The following NCS1 variants were observed in gnomAD, a reference collection of about 807,000 sequenced individuals.
NCS1 encodes the protein frequenin homolog.
NCS1 carries 6 observed loss-of-function variants against 28.4 expected under a neutral mutation model. The observed-to-expected ratio is 0.21, with a 90% CI of 0.12 to 0.42. NCS1 has a LOEUF of 0.42. Among genes scored for constraint, NCS1 ranks in the 10% least tolerant of loss-of-function variants. The pLI, the probability that NCS1 is intolerant of heterozygous loss-of-function variation, is 1.00. For missense variants in NCS1, 131 were observed against 241.4 expected, an observed-to-expected ratio of 0.54 and a Z score of 3.03; for synonymous variants, 86 against 99.3, an observed-to-expected ratio of 0.87 and a Z score of 0.79.
chr9:130,209,559 G>A lies in NCS1; in HGVS notation c.90-8273G>A, dbSNP rs1209525300. Among the ~76,000 whole-genome samples the A allele has an allele frequency of 6.6e-5, 10 of 152,282 alleles. No homozygotes were observed. Among genetic ancestry groups the A allele is most frequent in the Admixed American group, 1.3e-4 (2 of 15,300 alleles). On this transcript the variant is annotated intron_variant, in intron 2 of 7. Coordinates refer to ENST00000372398, the MANE Select transcript of NCS1 (RefSeq NM_014286.4). The surrounding 1 kb of genome is among the most constrained non-coding windows in gnomAD (Gnocchi z 4.4). ...CAGTGCCGGTTGCGGGCGGGCATCCGGGACTGAGGGGGGCGAGGTGCTTGG... is the reference window on the plus strand; with the variant it reads ...CAGTGCCGGTTGCGGGCGGGCATCCAGGACTGAGGGGGGCGAGGTGCTTGG...
intron 6 of NCS1, among the ~76,000 whole-genome samples, chr9:130,225,595 A>G (rs1554911279): frequency 6.6e-6 from 1 of 152,202 alleles, no homozygotes; most frequent in African/African-American, 2.4e-5. Context: ...GGGCCTGGGT[A>G]GGTGACGGAG....
chr9:130,194,358 C>CGGGTGCTTCCTGGCTGTGGGCACCGT (rs1554906559), intron 1 of NCS1, among the ~76,000 whole-genome samples: 2 of 152,260 alleles, frequency 1.3e-5, no homozygotes, highest in Non-Finnish European at 2.9e-5. Flanking sequence ...GTGGGCACCG[C>CGGGTGCTTCCTGGCTGTGGGCACCGT]GGGTGCTTCC....
At chr9:130,225,580 C>T (rs545117641) in intron 6 of NCS1, among the ~76,000 whole-genome samples, 2 of 152,376 alleles carry the variant, frequency 1.3e-5, no homozygotes, top group Admixed American at 1.3e-4. Context: ...CGTTTCCCAG[C>T]CCTGGGGCCT....
chr9:130,195,019 C>T (rs1832861378), intron 1 of NCS1, among the ~76,000 whole-genome samples: 1 of 152,170 alleles, frequency 6.6e-6, no homozygotes, highest in Non-Finnish European at 1.5e-5. Context: ...AGTGTCCTGG[C>T]CTCTGCAGGC....
At chr9:130,218,877 C>T (rs1166475316) in intron 3 of NCS1, among the ~76,000 whole-genome samples, 2 of 152,148 alleles carry the variant, frequency 1.3e-5, no homozygotes, top group African/African-American at 4.8e-5. Flanking sequence ...AGGTGTAAGC[C>T]CCCTTGCCCG....
At chr9:130,193,950 G>A (rs1009502) in intron 1 of NCS1, 39,197 of 152,760 alleles carry the variant, frequency 0.26, 5,666 homozygotes, top group Admixed American at 0.34. Flanking sequence ...TTGCTGGTGC[G>A]GTTTTCCTTC....
At chr9:130,173,948 G>A (rs563056235) in intron 1 of NCS1, among the ~76,000 whole-genome samples, 2 of 152,328 alleles carry the variant, frequency 1.3e-5, no homozygotes, top group East Asian at 3.9e-4. Flanking sequence ...TCCTGAGCGG[G>A]TGCTAGTCTG....
chr9:130,207,453 C>T (rs564527453), intron 2 of NCS1, among the ~76,000 whole-genome samples: 1 of 152,330 alleles, frequency 6.6e-6, no homozygotes, highest in African/African-American at 2.4e-5. Context: ...GAGACTGTGG[C>T]CTCCAGTCTC....
intron 1 of NCS1, among the ~76,000 whole-genome samples, chr9:130,182,752 C>T (rs528944624): frequency 4.6e-5 from 7 of 152,366 alleles, no homozygotes; most frequent in South Asian, 2.1e-4. Context: ...CGCCATCTTA[C>T]GGTGCTGGCA....
In NCS1 at chr9:130,206,444, G is replaced by A. The variant is rs557113810; in HGVS notation, c.89+5462G>A. 6.6e-5 allele frequency among the ~76,000 whole-genome samples: 9 copies of A among 135,590 alleles called. No individual in the cohort carries two copies. The East Asian group carries it at 1.5e-3, about 23-fold the overall frequency. 89.0% of individuals were successfully genotyped at this position (135,590 alleles called of 152,430 possible). A position where few individuals can be genotyped will look rare whatever the true frequency, so the allele number is the denominator to read the frequency against. On this transcript the variant is annotated intron_variant, in intron 2 of 7. Transcript: ENST00000372398. ...TTTTTCCTGAGATGGAGTCTCACTCGGTCGCCCAGGCTAGAGTGCAGTGGC... is the reference window on the plus strand; with the variant it reads ...TTTTTCCTGAGATGGAGTCTCACTCAGTCGCCCAGGCTAGAGTGCAGTGGC...
intron 6 of NCS1, among the ~76,000 whole-genome samples, chr9:130,225,873 G>A (rs1833406450): frequency 6.6e-6 from 1 of 152,108 alleles, no homozygotes; most frequent in South Asian, 2.1e-4. Flanking sequence ...AAGGGATTCT[G>A]GCCCAAACAT....
chr9:130,190,810 G>A (rs547367693), intron 1 of NCS1, among the ~76,000 whole-genome samples: 67 of 152,272 alleles, frequency 4.4e-4, no homozygotes, highest in African/African-American at 1.4e-3. Context: ...TGAGTGCTTT[G>A]CCTCTCTGTG....
chr9:130,222,976 G>A (rs1228569668), intron 5 of NCS1, 106 bp from the exon 6 acceptor site: 17 of 904,412 alleles, frequency 1.9e-5, no homozygotes, highest in Admixed American at 1.2e-4. Context: ...AAAGAAGAGG[G>A]GGGCGGCCCT....
intron 2 of NCS1, among the ~76,000 whole-genome samples, chr9:130,206,024 C>T (rs554224369): frequency 3.9e-5 from 6 of 152,248 alleles, no homozygotes; most frequent in African/African-American, 1.4e-4. Flanking sequence ...TTGTATTCTA[C>T]AATGGTCCCA....
chr9:130,190,293 G>C lies in NCS1; in HGVS notation c.65-10665G>C, dbSNP rs183464363. Among the ~76,000 whole-genome samples, 110 of 152,228 alleles carry C rather than the reference G, an allele frequency of 7.2e-4. 1 individual carries two copies. The highest frequency in any genetic ancestry group is 2.5e-3 in the African/African-American group (103 of 41,516). On this transcript the variant is annotated intron_variant, in intron 1 of 7. Coordinates refer to ENST00000372398, the MANE Select transcript of NCS1 (RefSeq NM_014286.4). ...CATGGAGCACCCAGCCATTGGGGAAGGTCCAAATCGGACAAAAGCAGGCAC... is the reference window on the plus strand; with the variant it reads ...CATGGAGCACCCAGCCATTGGGGAACGTCCAAATCGGACAAAAGCAGGCAC...
At chr9:130,189,879 A>AAAAATATATATATATAT (rs1554906056) in intron 1 of NCS1, among the ~76,000 whole-genome samples, 1 of 37,750 alleles carries the variant, frequency 2.6e-5, no homozygotes, top group African/African-American at 1.2e-4. Flanking sequence ...AAAAAAAAAA[A>AAAAATATATATATATAT]ATATATATAT....
At chr9:130,200,405 T>C in intron 1 of NCS1, 1 of 640,944 alleles carries the variant, frequency 1.6e-6, no homozygotes. Context: ...GCTCTGTTCA[T>C]GTCTTGCCAG....
At chr9:130,182,684 G>A (rs1166160897) in intron 1 of NCS1, among the ~76,000 whole-genome samples, 2 of 152,318 alleles carry the variant, frequency 1.3e-5, no homozygotes, top group Admixed American at 1.3e-4. Context: ...ACCGTGTGTG[G>A]GCGCTGGGCT....
intron 1 of NCS1, among the ~76,000 whole-genome samples, chr9:130,197,387 G>A (rs983986256): frequency 2.0e-5 from 3 of 152,220 alleles, no homozygotes; most frequent in Non-Finnish European, 2.9e-5. Flanking sequence ...GAAAGATCTC[G>A]AAGGTGATCT....
Sources: allele counts gnomAD v4.1 joint callset (sites outside exome capture counted in the v4.1 genomes callset), GRCh38; gene constraint gnomAD v4.1.1; non-coding constraint Gnocchi (gnomAD v3.1); transcripts MANE v1.5; gene names NCBI Gene and HGNC (gene_info 2026-07-23, HGNC 2026-07-21).